Variants in CDC26 observed in about 807,000 individuals in gnomAD.
The protein encoded by CDC26 is cell division cycle 26.
Under a neutral mutation model 8.0 loss-of-function variants are expected in CDC26, and 2 were observed. The ratio of observed to expected loss-of-function variants is 0.25; its 90% CI spans 0.10 to 0.79. The LOEUF is 0.79. Ranked by LOEUF, CDC26 falls within the 30% of genes least tolerant of loss-of-function variation. The pLI is 0.70. For synonymous variants in CDC26, 19 were observed against 34.9 expected, an observed-to-expected ratio of 0.55 and a Z score of 1.60; for missense variants, 68 against 106.0, an observed-to-expected ratio of 0.64 and a Z score of 1.57.
intron 3 of CDC26, among the ~76,000 whole-genome samples, chr9:113,268,394 G>C (rs1831898270): frequency 6.6e-6 from 1 of 152,198 alleles, no homozygotes; most frequent in Non-Finnish European, 1.5e-5. Flanking sequence ...TAAGTCACAT[G>C]TGACTGCAGA....
At chr9:113,267,855 C>T (rs1831887520) in intron 3 of CDC26, among the ~76,000 whole-genome samples, 1 of 152,076 alleles carries the variant, frequency 6.6e-6, no homozygotes. Context: ...GGCATGGTGG[C>T]GCATGCCTGT....
Position 113,275,372 on chromosome 9 carries a change from A to C in CDC26, c.-152+10T>G. ...GTTCAGCCCCGAGCCGCGCGAGTCG[A>C]CTCACCTACCTCTTTTCAAGCCGGC... On this transcript the variant is annotated intron_variant, in intron 1 of 3. Transcript: ENST00000374206. 1 of 212,794 alleles carries C rather than the reference A, an allele frequency of 4.7e-6. No individual in the cohort carries two copies. Among genetic ancestry groups the C allele is most frequent in the Non-Finnish European group, 9.4e-6 (1 of 106,902 alleles). The allele number at this position is 212,794 out of a possible 1,614,324, so 13.2% of individuals were successfully genotyped here. A position where few individuals can be genotyped will look rare whatever the true frequency, so the allele number is the denominator to read the frequency against.
chr9:113,275,491 C>T lies in CDC26; in HGVS notation c.-261G>A. The T allele has an allele frequency of 2.1e-6, 1 of 484,686 alleles. No homozygotes were observed. The highest frequency in any genetic ancestry group is 3.7e-6 in the Non-Finnish European group (1 of 269,538). 30.0% of individuals were successfully genotyped at this position (484,686 alleles called of 1,614,324 possible). On this transcript the variant is annotated 5_prime_UTR_variant, in exon 1 of 4. Coordinates refer to ENST00000374206, the MANE Select transcript of CDC26 (RefSeq NM_139286.4). Reference sequence around the variant, plus strand: ...CCAGACTGCTTGGAGCCTCTCTCTCCGCAGAACCTCGTCTTCCGCGAGCTT... The same window carrying T: ...CCAGACTGCTTGGAGCCTCTCTCTCTGCAGAACCTCGTCTTCCGCGAGCTT...
chr9:113,273,680 C>T (rs1831995181), intron 1 of CDC26, among the ~76,000 whole-genome samples: 1 of 151,508 alleles, frequency 6.6e-6, no homozygotes, highest in Admixed American at 6.6e-5. Flanking sequence ...CCTGTCTCTA[C>T]AAAAAAGTAA....
intron 1 of CDC26, among the ~76,000 whole-genome samples, chr9:113,274,620 T>A (rs566171327): frequency 9.9e-5 from 15 of 152,160 alleles, no homozygotes; most frequent in Non-Finnish European, 1.2e-4. Context: ...CAGTTAAAAG[T>A]GCTGGCTGTA....
At chr9:113,274,818 A>C (rs576114067) in intron 1 of CDC26, among the ~76,000 whole-genome samples, 5 of 152,144 alleles carry the variant, frequency 3.3e-5, no homozygotes, top group Non-Finnish European at 7.4e-5. Context: ...AATAACATCT[A>C]TTATTGCTGT....
In CDC26 at chr9:113,272,357, T is replaced by C. The variant is rs1480166949; in HGVS notation, c.81+70A>G. 48 of 1,212,698 alleles carry C rather than the reference T, an allele frequency of 4.0e-5. 1 individual carries two copies. Among genetic ancestry groups the C allele is most frequent in the Non-Finnish European group, 1.3e-5 (11 of 819,940 alleles). The allele number at this position is 1,212,698 out of a possible 1,614,324, so 75.1% of individuals were successfully genotyped here. A position where few individuals can be genotyped will look rare whatever the true frequency, so the allele number is the denominator to read the frequency against. On this transcript the variant is annotated intron_variant, in intron 3 of 3. Transcript: ENST00000374206. ...CAGAGGTTGCAGTGGGCCAAGATCA[T>C]GCCACTGTACTCCAGCCTGTGTGAC...
chr9:113,269,502 T>G (rs1351597975), intron 3 of CDC26, among the ~76,000 whole-genome samples: 1 of 152,028 alleles, frequency 6.6e-6, no homozygotes, highest in Admixed American at 6.5e-5. Flanking sequence ...CAAACTCATG[T>G]TGGTAATAAA....
At chr9:113,268,103 A>G (rs1043753342) in intron 3 of CDC26, among the ~76,000 whole-genome samples, 2 of 152,216 alleles carry the variant, frequency 1.3e-5, no homozygotes, top group African/African-American at 4.8e-5. Flanking sequence ...AGAAGTCTAC[A>G]CTGCCAAAGA....
rs774462930 is a variant in CDC26, at chr9:113,267,232, C to T, written c.*31G>A. 19 of 1,356,676 alleles carry T rather than the reference C, an allele frequency of 1.4e-5. No homozygotes were observed. The South Asian group carries it at 2.7e-4, about 20-fold the overall frequency. The allele number at this position is 1,356,676 out of a possible 1,614,324, so 84.0% of individuals were successfully genotyped here. A position where few individuals can be genotyped will look rare whatever the true frequency, so the allele number is the denominator to read the frequency against. On this transcript the variant is annotated 3_prime_UTR_variant, in exon 4 of 4. Transcript: ENST00000374206. ...ACTTCTGCCATCATTTTATTCCATT[C>T]CAGCGCTCTGGCATGCAAGATAATC...
intron 2 of CDC26, 98 bp from the exon 3 acceptor site, chr9:113,272,646 G>T: frequency 1.8e-6 from 1 of 559,776 alleles, no homozygotes; most frequent in Non-Finnish European, 3.2e-6. Context: ...AAAGTGAATG[G>T]AAATATTAAA....
At chr9:113,272,151 C>A (rs1483164957) in intron 3 of CDC26, among the ~76,000 whole-genome samples, 1 of 152,196 alleles carries the variant, frequency 6.6e-6, no homozygotes, top group Non-Finnish European at 1.5e-5. Flanking sequence ...GGTGCAGTGG[C>A]TCACGCGTGT....
chr9:113,272,943 C>A (rs559207896), intron 2 of CDC26, among the ~76,000 whole-genome samples: 8 of 152,350 alleles, frequency 5.3e-5, no homozygotes, highest in African/African-American at 1.9e-4. Flanking sequence ...CCTCCCTCCT[C>A]ATTTTCCCAA....
chr9:113,273,610 T>G (rs10117451), intron 1 of CDC26, among the ~76,000 whole-genome samples, 172 bp from the exon 2 acceptor site: 64,866 of 151,522 alleles, frequency 0.43, 15,135 homozygotes, highest in African/African-American at 0.61. Flanking sequence ...CTTCTGAAGG[T>G]CAGGCAGAGA....
At chr9:113,269,859 T>C (rs1034408275) in intron 3 of CDC26, among the ~76,000 whole-genome samples, 4 of 152,204 alleles carry the variant, frequency 2.6e-5, no homozygotes, top group Admixed American at 2.6e-4. Flanking sequence ...ATAATAAAGC[T>C]GTTGGTGAAT....
rs756303809 is a variant in CDC26 at position 113,267,295 on chromosome 9, G to A, written c.226C>T (p.Arg76Cys). 1.8e-4 allele frequency: 274 copies of A among 1,549,292 alleles called. No individual in the cohort carries two copies. The highest frequency in any genetic ancestry group is 2.1e-4 in the Non-Finnish European group (240 of 1,146,914). The change falls in exon 4 of 4, where the codon CGT (arginine) becomes TGT (cysteine). Residue 76 changes from arginine to cysteine, a missense_variant. Coordinates refer to ENST00000374206, the MANE Select transcript of CDC26 (RefSeq NM_139286.4). ...TCAAGACTTCCAAATTGAGATGAAC[G>A]ATTATTGGGCTTGGGTTGGGGTTTA... ...GYKPQPKPNN[R>C]SSQFGSLEF
At chr9:113,275,306 G>A (rs891925515) in intron 1 of CDC26, 76 bp downstream of exon 1, 1 of 162,852 alleles carries the variant, frequency 6.1e-6, no homozygotes, top group Non-Finnish European at 1.3e-5. Context: ...CGTACGCCCG[G>A]GGGGCACAGC....
intron 2 of CDC26, 25 bp downstream of exon 2, chr9:113,273,304 A>G (rs969334247): frequency 6.6e-6 from 1 of 152,232 alleles, no homozygotes; most frequent in East Asian, 1.9e-4. Context: ...TCAGTTTGCT[A>G]AATCTCAGGA....
chr9:113,272,311 G>A lies in CDC26; in HGVS notation c.81+116C>T, dbSNP rs142239245. On this transcript the variant is annotated intron_variant, in intron 3 of 3. Coordinates refer to ENST00000374206, the MANE Select transcript of CDC26 (RefSeq NM_139286.4). ...GCATGAACCTGTGGTCCCAGCACGC[G>A]GGAGGCTGAGGCAGAGGAGGCAGAG... 197 of 756,278 alleles carry A rather than the reference G, an allele frequency of 2.6e-4. 3 individuals carry two copies. The East Asian group carries it at 4.8e-3, about 18-fold the overall frequency. 46.8% of individuals were successfully genotyped at this position (756,278 alleles called of 1,614,324 possible). A position where few individuals can be genotyped will look rare whatever the true frequency, so the allele number is the denominator to read the frequency against.
Sources: allele counts gnomAD v4.1 joint callset (sites outside exome capture counted in the v4.1 genomes callset), GRCh38; gene constraint gnomAD v4.1.1; transcripts MANE v1.5; gene names NCBI Gene and HGNC (gene_info 2026-07-23, HGNC 2026-07-21).